Variants in RAB37 observed in about 807,000 individuals in gnomAD.
RAB37 encodes the protein ras-related protein Rab-37.
Under a neutral mutation model 33.1 loss-of-function variants are expected in RAB37, and 29 were observed. The ratio of observed to expected loss-of-function variants is 0.88; its 90% CI spans 0.65 to 1.20. The LOEUF is 1.20. RAB37 is among the 50% of genes most tolerant of loss of function. The pLI, the probability that RAB37 is intolerant of heterozygous loss-of-function variation, is 0.00. For synonymous variants in RAB37, 128 were observed against 119.5 expected, an observed-to-expected ratio of 1.07 and a Z score of -0.47; for missense variants, 299 against 301.1, an observed-to-expected ratio of 0.99 and a Z score of 0.05.
chr17:74,716,091 T>G (rs545750760), intron 1 of RAB37, among the ~76,000 whole-genome samples: 3 of 152,288 alleles, frequency 2.0e-5, no homozygotes, highest in African/African-American at 7.2e-5. Context: ...TCTAACCAAG[T>G]GCCTATGGGG....
At chr17:74,700,198 T>C (rs1373812389) in intron 1 of RAB37, among the ~76,000 whole-genome samples, 3 of 151,526 alleles carry the variant, frequency 2.0e-5, no homozygotes, top group African/African-American at 7.3e-5. Flanking sequence ...CAAAATAAAA[T>C]AAATAAATAA....
intron 1 of RAB37, among the ~76,000 whole-genome samples, chr17:74,674,040 C>A (rs1329597475): frequency 1.3e-5 from 2 of 152,106 alleles, no homozygotes; most frequent in Non-Finnish European, 2.9e-5. Flanking sequence ...TGTCTATTGT[C>A]CATGAGAAGC....
chr17:74,736,516 G>C (rs2034476974), upstream of RAB37: 2 of 1,434,840 alleles, frequency 1.4e-6, no homozygotes, highest in African/African-American at 2.9e-5. Flanking sequence ...TCGGGGCCAG[G>C]GTGAGTGTCA....
At chr17:74,714,960 A>G (rs1275652371) in intron 1 of RAB37, among the ~76,000 whole-genome samples, 1 of 152,140 alleles carries the variant, frequency 6.6e-6, no homozygotes, top group Non-Finnish European at 1.5e-5. Context: ...CGTCTCTACT[A>G]AAAATACAAA....
chr17:74,702,991 G>A, intron 1 of RAB37: 3 of 1,470,016 alleles, frequency 2.0e-6, no homozygotes, highest in Non-Finnish European at 2.9e-6. Context: ...TCCATTGGAG[G>A]AGTTTGGGCC....
At position 74,745,383 on chromosome 17, in the gene RAB37, A is replaced by C. The variant is rs2034737220; in HGVS notation, c.644A>C (p.Lys215Thr). 2 of 1,613,992 alleles carry C rather than the reference A, an allele frequency of 1.2e-6. No homozygotes were observed. The highest frequency in any genetic ancestry group is 2.2e-5 in the East Asian group (1 of 44,886). The change falls in exon 9 of 9, where the codon AAG becomes ACG. Residue 215 changes from lysine (K) to threonine (T), a missense_variant. Lys to Thr is a moderately conservative substitution (Grantham distance 78, BLOSUM62 -1). Coordinates refer to ENST00000392613, the MANE Select transcript of RAB37 (RefSeq NM_001006638.3). This position sits in a 1 kb window ranked among gnomAD's most constrained non-coding sequence, Gnocchi z 4.5. ...QIRDYVESQK[K>T]RSSCCSFM Reference sequence around the variant, plus strand: ...CGAGACTATGTAGAGTCCCAGAAGAAGCGCTCCAGCTGCTGCTCCTTCATG... The same window carrying C: ...CGAGACTATGTAGAGTCCCAGAAGACGCGCTCCAGCTGCTGCTCCTTCATG...
rs756945292 is a variant in RAB37, at chr17:74,744,919, C to A, written c.479C>A (p.Thr160Asn). 1.9e-6 allele frequency: 3 copies of A among 1,614,154 alleles called. No individual in the cohort carries two copies. The highest frequency in any genetic ancestry group is 1.7e-6 in the Non-Finnish European group (2 of 1,180,064). The change falls in exon 7 of 9, where the codon ACC becomes AAC. Residue 160 changes from threonine to asparagine, a missense_variant. Thr to Asn is a moderately conservative substitution (Grantham distance 65). Transcript: ENST00000392613. The surrounding 1 kb of genome is among the most constrained non-coding windows in gnomAD (Gnocchi z 4.2). The stretch of plus-strand genomic sequence containing the variant: ...GTGATCCGTTCCGAAGACGGAGAGA[C>A]CTTGGCCAGGGTAAGTGATTGTCTG... ...ERVIRSEDGETLAREYGVPFL... is the reference protein window; with the variant it reads ...ERVIRSEDGENLAREYGVPFL...
At position 74,698,299 on chromosome 17, in the gene RAB37, A is replaced by G. The variant is rs1040542283; in HGVS notation, c.72+26641A>G. The stretch of plus-strand genomic sequence containing the variant: ...TTGTGTGGGTAATCCCTTGGACCAG[A>G]TAGCTCCCAGATGCCACATCCCCAG... On this transcript the variant is annotated intron_variant, in intron 1 of 7. Transcript: ENST00000340415. The G allele has an allele frequency of 2.0e-5, 21 of 1,059,830 alleles. No homozygotes were observed. In the African/African-American group the frequency reaches 3.0e-4, roughly 15 times the overall value. 65.7% of individuals were successfully genotyped at this position (1,059,830 alleles called of 1,614,324 possible).
upstream of RAB37, among the ~76,000 whole-genome samples, chr17:74,734,485 G>A (rs960901808): frequency 4.6e-5 from 7 of 152,140 alleles, no homozygotes; most frequent in Admixed American, 3.9e-4. Context: ...ACAGTAGAAG[G>A]TGAGCATGAG....
rs550394879 is a variant in RAB37 at position 74,747,287 on chromosome 17, C to T, written c.*1876C>T. The T allele has an allele frequency of 4.4e-4, 66 of 150,350 alleles. No homozygotes were observed. Among genetic ancestry groups the T allele is most frequent in the African/African-American group, 1.3e-3 (54 of 41,006 alleles). The allele number at this position is 150,350 out of a possible 1,614,324, so 9.3% of individuals were successfully genotyped here. A position where few individuals can be genotyped will look rare whatever the true frequency, so the allele number is the denominator to read the frequency against. ...TCCAATCCCATAGACAGCTCTGGGC[C>T]TCTTGCATTTGAGTTTTTCAGAATT... On this transcript the variant is annotated 3_prime_UTR_variant, in exon 9 of 9. Coordinates refer to ENST00000392613, the MANE Select transcript of RAB37 (RefSeq NM_001006638.3).
intron 1 of RAB37, among the ~76,000 whole-genome samples, chr17:74,679,890 A>G (rs1401820240): frequency 2.0e-5 from 3 of 150,698 alleles, no homozygotes; most frequent in Non-Finnish European, 4.4e-5. Flanking sequence ...AGGCAGGAGA[A>G]TTGCTTGAAC....
chr17:74,737,715 G>A (rs2034514687), intron 1 of RAB37, among the ~76,000 whole-genome samples: 1 of 152,200 alleles, frequency 6.6e-6, no homozygotes, highest in South Asian at 2.1e-4. Flanking sequence ...GGGAGATGGG[G>A]ACCGAACGGA....
At position 74,671,487 on chromosome 17, in the gene RAB37, C is replaced by T; in HGVS notation, c.-100C>T. The T allele has an allele frequency of 8.6e-7, 1 of 1,157,180 alleles. No individual in the cohort carries two copies. Among genetic ancestry groups the T allele is most frequent in the Non-Finnish European group, 1.3e-6 (1 of 784,296 alleles). 71.7% of individuals were successfully genotyped at this position (1,157,180 alleles called of 1,614,324 possible). On this transcript the variant is annotated 5_prime_UTR_variant, in exon 1 of 8. Coordinates refer to the RAB37 transcript ENST00000340415. This position sits in a 1 kb window ranked among gnomAD's most constrained non-coding sequence, Gnocchi z 5.0. The stretch of plus-strand genomic sequence containing the variant: ...CGGATGCGGCCCGGCCCGCAGAGCT[C>T]AGACCCAAGCCTGCCGCACCCAGCG...
chr17:74,734,495 G>A (rs1238722805), upstream of RAB37, among the ~76,000 whole-genome samples: 2 of 152,126 alleles, frequency 1.3e-5, no homozygotes, highest in East Asian at 3.8e-4. Flanking sequence ...GTGAGCATGA[G>A]GCATGCCCTG....
Position 74,742,987 on chromosome 17 carries a change from C to T in RAB37, c.247-142C>T, listed in dbSNP as rs2034658292. 1.4e-6 allele frequency: 1 copy of T among 715,674 alleles called. No homozygotes were observed. Among genetic ancestry groups the T allele is most frequent in the Non-Finnish European group, 2.4e-6 (1 of 414,156 alleles). The allele number at this position is 715,674 out of a possible 1,614,324, so 44.3% of individuals were successfully genotyped here. Reference sequence around the variant, plus strand: ...CTGCTACTGTCCAGGTCATTGGATGCTCAGGGGCTCATGAGAACCTAAAGA... The same window carrying T: ...CTGCTACTGTCCAGGTCATTGGATGTTCAGGGGCTCATGAGAACCTAAAGA... On this transcript the variant is annotated intron_variant, in intron 3 of 8. Transcript: ENST00000392613. The surrounding 1 kb of genome is among the most constrained non-coding windows in gnomAD (Gnocchi z 4.0).
intron 1 of RAB37, among the ~76,000 whole-genome samples, chr17:74,703,661 G>A (rs557431217): frequency 6.6e-6 from 1 of 152,324 alleles, no homozygotes; most frequent in East Asian, 1.9e-4. Context: ...GACCCATTGA[G>A]ACAATGCACG....
chr17:74,735,459 C>G (rs2034461526), upstream of RAB37, among the ~76,000 whole-genome samples: 1 of 152,218 alleles, frequency 6.6e-6, no homozygotes, highest in Non-Finnish European at 1.5e-5. Context: ...TTGCTTGAAC[C>G]TGGGAGGCAG....
intron 1 of RAB37, chr17:74,704,843 C>A: frequency 6.4e-7 from 1 of 1,565,582 alleles, no homozygotes; most frequent in South Asian, 1.2e-5. Context: ...CATGTGCTGT[C>A]ACCTCCCACC....
At chr17:74,690,799 G>A (rs1470152790) in intron 1 of RAB37, among the ~76,000 whole-genome samples, 1 of 152,190 alleles carries the variant, frequency 6.6e-6, no homozygotes, top group Admixed American at 6.5e-5. Context: ...GACTGGACTG[G>A]CTCATGACTG....
Sources: gnomAD v4.1 joint callset for allele counts (sites outside exome capture counted in the v4.1 genomes callset) on GRCh38, gnomAD v4.1.1 for gene constraint, Gnocchi (gnomAD v3.1) non-coding constraint, MANE v1.5 for transcripts, NCBI Gene and HGNC (gene_info 2026-07-23, HGNC 2026-07-21) for gene names.